Variants in TRIM68 observed in about 807,000 individuals in gnomAD.
TRIM68 encodes E3 ubiquitin-protein ligase TRIM68.
In TRIM68, 36 loss-of-function variants were observed where a neutral mutation model predicts 41.9. The observed-to-expected ratio is 0.86, with a 90% CI of 0.66 to 1.14. The LOEUF (loss-of-function observed/expected upper bound fraction) is 1.14. Ranked by LOEUF, TRIM68 falls within the 50% of genes most tolerant of loss-of-function variation. TRIM68 has a pLI of 0.00. For missense variants in TRIM68, 632 were observed against 605.1 expected (o/e 1.04, Z -0.47); for synonymous variants, 225 against 224.6 (o/e 1.00, Z -0.02).
chr11:4,606,974 G>A (rs928027130), intron 1 of TRIM68, among the ~76,000 whole-genome samples: 2 of 152,102 alleles, frequency 1.3e-5, no homozygotes, highest in Non-Finnish European at 2.9e-5. Flanking sequence ...CCAAACTGTG[G>A]GATCCAGTAT....
intron 5 of TRIM68, 94 bp downstream of exon 5, chr11:4,601,570 G>T: frequency 1.5e-6 from 2 of 1,351,990 alleles, no homozygotes; most frequent in Non-Finnish European, 1.1e-6. Flanking sequence ...TTTTCTGTGT[G>T]CACCGAGTCT....
Position 4,603,236 on chromosome 11 carries a change from G to C in TRIM68, c.522+9C>G, listed in dbSNP as rs369204070. 62 of 1,613,856 alleles carry C rather than the reference G, an allele frequency of 3.8e-5. No individual in the cohort carries two copies. The highest frequency in any genetic ancestry group is 5.0e-5 in the Non-Finnish European group (59 of 1,179,816). On this transcript the variant is annotated intron_variant, in intron 3 of 6. Transcript: ENST00000300747. Reference sequence around the variant, plus strand: ...TGACACAAACTCCTTTCCCCACGAGGCAACCTGCCTTCCAGGTGGCAGTTC... The same window carrying C: ...TGACACAAACTCCTTTCCCCACGAGCCAACCTGCCTTCCAGGTGGCAGTTC...
chr11:4,601,281 G>C, intron 5 of TRIM68, 154 bp from the exon 6 acceptor site: 2 of 665,610 alleles, frequency 3.0e-6, no homozygotes, highest in African/African-American at 1.8e-5. Flanking sequence ...GCCTCAAGCT[G>C]TTTGTGTGCA....
Position 4,605,211 on chromosome 11 carries a change from A to G in TRIM68, c.294T>C (p.Cys98=), listed in dbSNP as rs1846550542. The G allele has an allele frequency of 2.5e-6, 4 of 1,614,244 alleles. No homozygotes were observed. The highest frequency in any genetic ancestry group is 3.4e-6 in the Non-Finnish European group (4 of 1,180,048). The part of the protein sequence containing the change: ...HPGMGLKGDL[C]ERHGEKLKMF... ...TCTTCAGCTTTTCCCCATGGCGCTC[A>G]CACAGGTCACCCTTCAGCCCCATTC... Residue 98 remains cysteine (C), a synonymous_variant, in exon 2 of 7, where the codon TGT becomes TGC. Coordinates refer to ENST00000300747, the MANE Select transcript of TRIM68 (RefSeq NM_018073.8).
chr11:4,600,354 G>A lies in TRIM68; in HGVS notation c.1380C>T (p.Pro460=). Residue 460 remains proline (P), a synonymous_variant, in exon 7 of 7, where the codon CCC becomes CCT. Transcript: ENST00000300747. Reference sequence around the variant, plus strand: ...CAATGCTGTAGCAAGGACTAAAATAGGGCAGGAGGCGCCCAGGGAAGGGAT... The same window carrying A: ...CAATGCTGTAGCAAGGACTAAAATAAGGCAGGAGGCGCCCAGGGAAGGGAT... ...PRYPFPGRLL[P]YFSPCYSIGT... 1 of 1,613,604 alleles carries A rather than the reference G, an allele frequency of 6.2e-7. No individual in the cohort carries two copies. The highest frequency in any genetic ancestry group is 1.1e-5 in the South Asian group (1 of 90,982).
Position 4,605,329 on chromosome 11 carries a change from A to AG in TRIM68, c.175dup (p.Leu59ProfsTer14). On this transcript the variant is annotated frameshift_variant, in exon 2 of 7. Transcript: ENST00000300747. LOFTEE classifies it high-confidence loss of function. ...CCTTGGCTGGACAGGAGCTCGACAGAGGGGACAGGTGTAACCCCAGTTCTG... is the reference window on the plus strand; with the variant it reads ...CCTTGGCTGGACAGGAGCTCGACAGAGGGGGACAGGTGTAACCCCAGTTCTG... The AG allele has an allele frequency of 6.2e-7, 1 of 1,614,250 alleles. No homozygotes were observed. Among genetic ancestry groups the AG allele is most frequent in the Non-Finnish European group, 8.5e-7 (1 of 1,180,048 alleles).
Position 4,606,285 on chromosome 11 carries a change from A to T in TRIM68, c.-57-724T>A, listed in dbSNP as rs1846566843. Among the ~76,000 whole-genome samples, 3 of 152,366 alleles carry T rather than the reference A, an allele frequency of 2.0e-5. No homozygotes were observed. The South Asian group carries it at 6.2e-4, about 32-fold the overall frequency. On this transcript the variant is annotated intron_variant, in intron 1 of 6. Transcript: ENST00000300747. ...GATGATCATCACACCCATATTGATG[A>T]AATCACTACACCAGCAAGAAATCTG...
In TRIM68 at chr11:4,600,104, T is replaced by G; in HGVS notation, c.*172A>C. ...CTGGGCCTCTGCTTTTTAAAATAAG[T>G]GGTTTCATGACAGACTTCAGCCTGG... On this transcript the variant is annotated 3_prime_UTR_variant, in exon 7 of 7. Coordinates refer to ENST00000300747, the MANE Select transcript of TRIM68 (RefSeq NM_018073.8). 3 of 618,540 alleles carry G rather than the reference T, an allele frequency of 4.9e-6. No individual in the cohort carries two copies. Among genetic ancestry groups the G allele is most frequent in the Non-Finnish European group, 2.7e-6 (1 of 374,580 alleles). The allele number at this position is 618,540 out of a possible 1,614,324, so 38.3% of individuals were successfully genotyped here. A position where few individuals can be genotyped will look rare whatever the true frequency, so the allele number is the denominator to read the frequency against.
At chr11:4,602,475 CAT>C in intron 3 of TRIM68, 63 bp from the exon 4 acceptor site, 1 of 1,581,396 alleles carries the variant, frequency 6.3e-7, no homozygotes, top group South Asian at 1.1e-5. Context: ...AGCATACTGA[CAT>C]ATGCATACAC....
chr11:4,605,797 C>T (rs1846560959), intron 1 of TRIM68, among the ~76,000 whole-genome samples: 2 of 152,114 alleles, frequency 1.3e-5, no homozygotes, highest in South Asian at 2.1e-4. Context: ...TGGGAGTCCT[C>T]GGTTTTCATT....
intron 2 of TRIM68, among the ~76,000 whole-genome samples, chr11:4,604,010 A>AT (rs1846534336): frequency 6.6e-6 from 1 of 152,190 alleles, no homozygotes; most frequent in South Asian, 2.1e-4. Flanking sequence ...TGAGGCTGGT[A>AT]TTAACCTTAT....
At position 4,605,223 on chromosome 11, in the gene TRIM68, C is replaced by T. The variant is rs769327348; in HGVS notation, c.282G>A (p.Lys94=). 2 of 1,614,244 alleles carry T rather than the reference C, an allele frequency of 1.2e-6. No individual in the cohort carries two copies. The highest frequency in any genetic ancestry group is 4.5e-5 in the East Asian group (2 of 44,888). The part of the protein sequence containing the change: ...LLRLHPGMGL[K]GDLCERHGEK... ...CCCCATGGCGCTCACACAGGTCACC[C>T]TTCAGCCCCATTCCTGGATGTAGCC... The change falls in exon 2 of 7, where the codon AAG becomes AAA. Residue 94 remains lysine, a synonymous_variant. Coordinates refer to ENST00000300747, the MANE Select transcript of TRIM68 (RefSeq NM_018073.8).
chr11:4,602,303 G>A lies in TRIM68; in HGVS notation c.632C>T (p.Ala211Val), dbSNP rs1421244605. ...PHRQLGAEVA[A>V]ALASLQREAA... The stretch of plus-strand genomic sequence containing the variant: ...CTCCCGCTGTAGGCTGGCCAGAGCT[G>A]CTGCTACCTCTGCCCCCAGCTGCCG... Residue 211 changes from alanine to valine, a missense_variant, in exon 4 of 7, where the codon GCA (alanine) becomes GTA (valine). Ala to Val is a moderately conservative substitution (Grantham distance 64). Coordinates refer to ENST00000300747, the MANE Select transcript of TRIM68 (RefSeq NM_018073.8). 1 of 1,614,160 alleles carries A rather than the reference G, an allele frequency of 6.2e-7. No homozygotes were observed. Among genetic ancestry groups the A allele is most frequent in the South Asian group, 1.1e-5 (1 of 91,086 alleles).
chr11:4,603,633 C>G (rs546509986), intron 2 of TRIM68, among the ~76,000 whole-genome samples: 2 of 152,180 alleles, frequency 1.3e-5, no homozygotes, highest in African/African-American at 4.8e-5. Context: ...CAATTTTTAT[C>G]CTTATCTTAT....
At position 4,603,151 on chromosome 11, in the gene TRIM68, T is replaced by C. The variant is rs1317360750; in HGVS notation, c.522+94A>G. The C allele has an allele frequency of 3.4e-6, 4 of 1,184,586 alleles. No homozygotes were observed. In the East Asian group the frequency reaches 7.0e-5, roughly 21 times the overall value. 73.4% of individuals were successfully genotyped at this position (1,184,586 alleles called of 1,614,324 possible). ...AGGCTCTGTGATTTCAAGCCTCACA[T>C]TCTGCCTCACAGTGATGAGAATGCT... On this transcript the variant is annotated intron_variant, in intron 3 of 6. Transcript: ENST00000300747.
In TRIM68 at chr11:4,600,032, C is replaced by T; in HGVS notation, c.*244G>A. On this transcript the variant is annotated 3_prime_UTR_variant, in exon 7 of 7. Transcript: ENST00000300747. ...CACCTTAGAACTGCTCTGATCCTCACCATCAGCCCTGTCGTGCTTCCCTCA... is the reference window on the plus strand; with the variant it reads ...CACCTTAGAACTGCTCTGATCCTCATCATCAGCCCTGTCGTGCTTCCCTCA... 2.2e-6 allele frequency: 1 copy of T among 454,374 alleles called. No homozygotes were observed. The highest frequency in any genetic ancestry group is 3.9e-6 in the Non-Finnish European group (1 of 256,168). The allele number at this position is 454,374 out of a possible 1,614,324, so 28.1% of individuals were successfully genotyped here.
chr11:4,601,355 AG>A (rs1846487277), intron 5 of TRIM68: 22 of 595,004 alleles, frequency 3.7e-5, no homozygotes, highest in South Asian at 3.4e-4. Context: ...ATTCTGGGAG[AG>A]GAAGAAGTGC....
In TRIM68 at chr11:4,602,169, C is replaced by G; in HGVS notation, c.766G>C (p.Val256Leu). ...CTACTCACCTGCAACATCCAGCGGA[C>G]AGGCCTCTGCGACCTCTCTTTCAAC... ...AELKERSQRP[V>L]RWMLQDIQEV... The change falls in exon 4 of 7, where the codon GTC (valine) becomes CTC (leucine). Residue 256 changes from valine to leucine, a missense_variant. Transcript: ENST00000300747. 1 of 1,614,198 alleles carries G rather than the reference C, an allele frequency of 6.2e-7. No individual in the cohort carries two copies. The highest frequency in any genetic ancestry group is 8.5e-7 in the Non-Finnish European group (1 of 1,180,036).
rs769783099 is a variant in TRIM68, at chr11:4,600,657, G to A, written c.1077C>T (p.Tyr359=). The change falls in exon 7 of 7, where the codon TAC becomes TAT. Residue 359 remains tyrosine (Y), a synonymous_variant. Coordinates refer to ENST00000300747, the MANE Select transcript of TRIM68 (RefSeq NM_018073.8). ...ACCTGTCTCCCACCTCCACCTCCCA[G>A]TAGTGCCGGCCTGAGGAGATGCACT... ...GSQCISSGRH[Y]WEVEVGDRSE... 6 of 1,614,036 alleles carry A rather than the reference G, an allele frequency of 3.7e-6. No homozygotes were observed. In the East Asian group the frequency reaches 8.9e-5, roughly 24 times the overall value.
Sources: allele counts gnomAD v4.1 joint callset (sites outside exome capture counted in the v4.1 genomes callset), GRCh38; gene constraint gnomAD v4.1.1; transcripts MANE v1.5; gene names NCBI Gene and HGNC (gene_info 2026-07-23, HGNC 2026-07-21).